Variants in ATP2B2 observed in about 807,000 individuals in gnomAD.
ATP2B2 encodes ATPase plasma membrane Ca2+ transporting 2.
In ATP2B2, 15 loss-of-function variants were observed where a neutral mutation model predicts 120.0. That is an observed-to-expected ratio of 0.12 (90% CI 0.08 to 0.19). The LOEUF is 0.19. Ranked by LOEUF, ATP2B2 falls within the 10% of genes least tolerant of loss-of-function variation. The pLI, the probability that ATP2B2 is intolerant of heterozygous loss-of-function variation, is 1.00. For synonymous variants in ATP2B2, 694 were observed against 700.3 expected (o/e 0.99, Z 0.14); for missense variants, 1,045 against 1,719.8 (o/e 0.61, Z 6.94).
At chr3:10,673,942 C>T (rs2071182788) in intron 1 of ATP2B2, among the ~76,000 whole-genome samples, 1 of 151,046 alleles carries the variant, frequency 6.6e-6, no homozygotes, top group Non-Finnish European at 1.5e-5. Flanking sequence ...AGGTCAGAAG[C>T]ATTTTTCCTG....
intron 1 of ATP2B2, among the ~76,000 whole-genome samples, chr3:10,636,359 CA>C (rs1289139783): frequency 6.6e-6 from 1 of 152,158 alleles, no homozygotes; most frequent in African/African-American, 2.4e-5. Context: ...GCTTCATACT[CA>C]AACCTCCTTC....
At chr3:10,682,275 C>T (rs1345119048) in intron 1 of ATP2B2, among the ~76,000 whole-genome samples, 1 of 152,160 alleles carries the variant, frequency 6.6e-6, no homozygotes, top group African/African-American at 2.4e-5. Context: ...CCACTGACTC[C>T]CATTTAAATG....
chr3:10,350,626 C>A (rs748325333), intron 14 of ATP2B2, 49 bp from the exon 15 acceptor site: 2 of 1,581,440 alleles, frequency 1.3e-6, no homozygotes, highest in Non-Finnish European at 1.7e-6. Context: ...CTCAGGCAGA[C>A]TCCCCCTGCC....
upstream of ATP2B2, among the ~76,000 whole-genome samples, chr3:10,508,691 G>A (rs1401745766): frequency 6.6e-6 from 1 of 152,184 alleles, no homozygotes; most frequent in Non-Finnish European, 1.5e-5. Context: ...GGGTCATCTG[G>A]CCTGGCCTTC....
chr3:10,339,342 C>T (rs981850690), intron 21 of ATP2B2, among the ~76,000 whole-genome samples: 3 of 152,174 alleles, frequency 2.0e-5, no homozygotes, highest in Non-Finnish European at 2.9e-5. Context: ...TTTTTGCCCC[C>T]GTAGCTTCTC....
chr3:10,411,354 G>T (rs538131579), intron 2 of ATP2B2, among the ~76,000 whole-genome samples: 1 of 152,172 alleles, frequency 6.6e-6, no homozygotes, highest in Non-Finnish European at 1.5e-5. Flanking sequence ...CTCTGGCCTC[G>T]AGTCATGAGA....
At chr3:10,639,244 A>G (rs1401725186) in intron 1 of ATP2B2, among the ~76,000 whole-genome samples, 1 of 152,244 alleles carries the variant, frequency 6.6e-6, no homozygotes, top group East Asian at 1.9e-4. Context: ...TTCACTCCAG[A>G]TGGCTCCAAT....
intron 22 of ATP2B2, chr3:10,331,982 C>A (rs1041580834): frequency 1.3e-6 from 2 of 1,550,134 alleles, no homozygotes; most frequent in Non-Finnish European, 1.7e-6. Context: ...AGACTCACAA[C>A]CTCTTTTAAT....
At chr3:10,351,162 T>C (rs757114744) in intron 14 of ATP2B2, among the ~76,000 whole-genome samples, 5 of 152,250 alleles carry the variant, frequency 3.3e-5, no homozygotes, top group Non-Finnish European at 7.3e-5. Context: ...CTGTCCTCTC[T>C]GACTGTAATG....
At chr3:10,470,826 G>A (rs140037350) in intron 1 of ATP2B2, among the ~76,000 whole-genome samples, 55 of 152,280 alleles carry the variant, frequency 3.6e-4, no homozygotes, top group African/African-American at 1.3e-3. Context: ...TTTGATTCCA[G>A]GCCACTGGAC....
At chr3:10,550,883 C>A (rs1367897285) in intron 2 of ATP2B2, among the ~76,000 whole-genome samples, 2 of 152,162 alleles carry the variant, frequency 1.3e-5, no homozygotes, top group Non-Finnish European at 2.9e-5. Context: ...GTCGCCAAGG[C>A]CTGGCTGCAA....
chr3:10,380,623 C>T (rs578189779), intron 8 of ATP2B2, among the ~76,000 whole-genome samples: 47 of 152,192 alleles, frequency 3.1e-4, no homozygotes, highest in Non-Finnish European at 5.1e-4. Flanking sequence ...TGCCTACTTC[C>T]GTCCTGCCAT....
chr3:10,683,083 C>A (rs1051643631), intron 1 of ATP2B2, among the ~76,000 whole-genome samples: 3 of 151,988 alleles, frequency 2.0e-5, no homozygotes, highest in African/African-American at 7.2e-5. Flanking sequence ...ACTTCACCTC[C>A]ATTATCTCAT....
At chr3:10,688,390 C>T (rs80289925) in intron 1 of ATP2B2, among the ~76,000 whole-genome samples, 2 of 152,206 alleles carry the variant, frequency 1.3e-5, no homozygotes, top group African/African-American at 2.4e-5. Flanking sequence ...TTGTCATCAA[C>T]TGCACATTGA....
chr3:10,329,242 T>G lies in ATP2B2; in HGVS notation c.3421-117A>C. 3 of 1,021,690 alleles carry G rather than the reference T, an allele frequency of 2.9e-6. No homozygotes were observed. Among genetic ancestry groups the G allele is most frequent in the East Asian group, 2.4e-5 (1 of 41,658 alleles). The allele number at this position is 1,021,690 out of a possible 1,614,324, so 63.3% of individuals were successfully genotyped here. A position where few individuals can be genotyped will look rare whatever the true frequency, so the allele number is the denominator to read the frequency against. ...GGGCAAAGCAGGTGGCTGGAATCCA[T>G]AGTCGCTGGGTGTTATTAGCATTGA... On this transcript the variant is annotated intron_variant, in intron 22 of 22. Coordinates refer to ENST00000360273, the MANE Select transcript of ATP2B2 (RefSeq NM_001001331.4). This position sits in a 1 kb window ranked among gnomAD's most constrained non-coding sequence, Gnocchi z 5.9.
At chr3:10,391,761 C>G (rs925378710) in intron 5 of ATP2B2, among the ~76,000 whole-genome samples, 1 of 152,224 alleles carries the variant, frequency 6.6e-6, no homozygotes, top group African/African-American at 2.4e-5. Context: ...TCTTACCTGT[C>G]TCCCTCCAGT....
In ATP2B2 at chr3:10,530,585, G is replaced by A. The variant is rs145552856; in HGVS notation, c.-320+3454C>T. On this transcript the variant is annotated intron_variant, in intron 3 of 21. Transcript: ENST00000646379. ...ACTGGGGCAGTCTGGCCACAGACAG[G>A]GCTCACGTTTTTTTCCTTCGTTCTC... Among the ~76,000 whole-genome samples, 93 of 152,346 alleles carry A rather than the reference G, an allele frequency of 6.1e-4. 1 individual carries two copies. The Middle Eastern group carries it at 0.017, about 28-fold the overall frequency.
intron 2 of ATP2B2, among the ~76,000 whole-genome samples, chr3:10,553,088 G>C (rs997524191): frequency 2.6e-5 from 4 of 152,192 alleles, no homozygotes; most frequent in Non-Finnish European, 4.4e-5. Flanking sequence ...GATGATGTCA[G>C]GGTTAAATGA....
At chr3:10,656,275 T>A (rs916468104) in intron 1 of ATP2B2, among the ~76,000 whole-genome samples, 1 of 152,114 alleles carries the variant, frequency 6.6e-6, no homozygotes, top group African/African-American at 2.4e-5. Flanking sequence ...TCATTTCTCT[T>A]TTGTACCCCT....
Sources: gnomAD v4.1 joint callset for allele counts (sites outside exome capture counted in the v4.1 genomes callset) on GRCh38, gnomAD v4.1.1 for gene constraint, Gnocchi (gnomAD v3.1) non-coding constraint, MANE v1.5 for transcripts, NCBI Gene and HGNC (gene_info 2026-07-23, HGNC 2026-07-21) for gene names.